FBXL17: variants seen among roughly 807,000 people sequenced by gnomAD.
The protein encoded by FBXL17 is F-box/LRR-repeat protein 17.
A neutral mutation model predicts 66.2 loss-of-function variants in FBXL17; 22 were observed. That is an observed-to-expected ratio of 0.33 (90% CI 0.24 to 0.47). FBXL17 has a LOEUF of 0.47. Ranked by LOEUF, FBXL17 falls within the 20% of genes least tolerant of loss-of-function variation. The pLI is 1.00. For synonymous variants in FBXL17, 474 were observed against 400.5 expected (o/e 1.18, Z -2.19); for missense variants, 878 against 948.2 (o/e 0.93, Z 0.97).
In FBXL17 at chr5:108,006,487, A is replaced by T. The variant is rs114227720; in HGVS notation, c.1822+14438T>A. Reference sequence around the variant, plus strand: ...AGGTGAATAGTGATGCCATTTACACAGGGAAGAACAGTAGTGGTTATGACG... The same window carrying T: ...AGGTGAATAGTGATGCCATTTACACTGGGAAGAACAGTAGTGGTTATGACG... On this transcript the variant is annotated intron_variant, in intron 7 of 8. Transcript: ENST00000542267. Among the ~76,000 whole-genome samples, 711 of 152,324 alleles carry T rather than the reference A, an allele frequency of 4.7e-3. 6 individuals are homozygous for T. The highest frequency in any genetic ancestry group is 0.014 in the African/African-American group (589 of 41,570).
chr5:107,942,775 A>G (rs947799480), intron 7 of FBXL17, among the ~76,000 whole-genome samples: 1 of 38,444 alleles, frequency 2.6e-5, no homozygotes, highest in Non-Finnish European at 5.8e-5. Context: ...CCTTCTTGAA[A>G]AGAAAAAAAA....
chr5:108,206,434 G>GT (rs1477230618), intron 5 of FBXL17, among the ~76,000 whole-genome samples: 5 of 152,006 alleles, frequency 3.3e-5, no homozygotes, highest in Non-Finnish European at 7.4e-5. Flanking sequence ...GTATAATTTG[G>GT]TAAGTTTTGA....
rs531225546 is a variant in FBXL17 at position 108,247,184 on chromosome 5, C to T, written c.1507-22956G>A. On this transcript the variant is annotated intron_variant, in intron 4 of 8. Transcript: ENST00000542267. ...GCTAAAACGATTATGTAAAAATTGCCCTGGCTTCGAAGAAGAGAAAGCAAT... is the reference window on the plus strand; with the variant it reads ...GCTAAAACGATTATGTAAAAATTGCTCTGGCTTCGAAGAAGAGAAAGCAAT... Among the ~76,000 whole-genome samples the T allele has an allele frequency of 3.3e-5, 5 of 152,190 alleles. No individual in the cohort carries two copies. The South Asian group carries it at 8.3e-4, about 25-fold the overall frequency.
In FBXL17 at chr5:108,153,952, T is replaced by C. The variant is rs188166834; in HGVS notation, c.1745+32165A>G. Among the ~76,000 whole-genome samples, 434 of 152,268 alleles carry C rather than the reference T, an allele frequency of 2.9e-3. 2 individuals carry two copies. Among genetic ancestry groups the C allele is most frequent in the Non-Finnish European group, 4.5e-3 (309 of 68,028 alleles). On this transcript the variant is annotated intron_variant, in intron 6 of 8. Coordinates refer to ENST00000542267, the MANE Select transcript of FBXL17 (RefSeq NM_001163315.3). ...GTACAATTTTCCTTCTTGCAGGAAG[T>C]GTTTCTTTCTTGTGGCTATATAGGA...
intron 4 of FBXL17, among the ~76,000 whole-genome samples, chr5:108,233,449 A>T (rs1485562593): frequency 1.3e-5 from 2 of 152,212 alleles, no homozygotes; most frequent in Non-Finnish European, 2.9e-5. Context: ...ATAGGTAAGA[A>T]TTAGTACGCA....
intron 5 of FBXL17, among the ~76,000 whole-genome samples, chr5:108,217,926 C>A (rs926219497): frequency 1.3e-5 from 2 of 151,958 alleles, no homozygotes; most frequent in Admixed American, 6.6e-5. Flanking sequence ...CCAGGTTCAT[C>A]CATGTTGTTG....
chr5:108,381,195 G>A lies in FBXL17; in HGVS notation c.497C>T (p.Pro166Leu), dbSNP rs1287108476. 6 of 1,439,662 alleles carry A rather than the reference G, an allele frequency of 4.2e-6. No homozygotes were observed. Among genetic ancestry groups the A allele is most frequent in the East Asian group, 6.1e-5 (2 of 32,882 alleles). The allele number at this position is 1,439,662 out of a possible 1,614,324, so 89.2% of individuals were successfully genotyped here. A position where few individuals can be genotyped will look rare whatever the true frequency, so the allele number is the denominator to read the frequency against. The change falls in exon 1 of 9, where the codon CCG becomes CTG. Residue 166 changes from proline to leucine, a missense_variant. Physicochemically the swap from Pro to Leu is moderately conservative, Grantham distance 98. Transcript: ENST00000542267. Reference protein sequence around the residue: ...GRSLFLASLGPVRFLGPPAAV... With the variant: ...GRSLFLASLGLVRFLGPPAAV... ...GGCGGGCGGCCCCAGGAAGCGCACCGGCCCCAAGCTGGCCAGGAAGAGACT... is the reference window on the plus strand; with the variant it reads ...GGCGGGCGGCCCCAGGAAGCGCACCAGCCCCAAGCTGGCCAGGAAGAGACT...
At chr5:108,060,779 G>C (rs1449829681) in intron 6 of FBXL17, among the ~76,000 whole-genome samples, 1 of 151,752 alleles carries the variant, frequency 6.6e-6, no homozygotes, top group African/African-American at 2.4e-5. Flanking sequence ...ACTTCCCAGA[G>C]TCCTTTCACT....
chr5:108,033,861 T>C (rs1746735991), intron 6 of FBXL17, among the ~76,000 whole-genome samples: 1 of 152,210 alleles, frequency 6.6e-6, no homozygotes, highest in African/African-American at 2.4e-5. Context: ...ACAATTCTAC[T>C]CTTATTATTT....
intron 7 of FBXL17, among the ~76,000 whole-genome samples, chr5:107,951,176 A>C (rs1218981907): frequency 6.6e-6 from 1 of 152,172 alleles, no homozygotes; most frequent in Non-Finnish European, 1.5e-5. Context: ...TCAGGGTTCG[A>C]TGTGCCTGAG....
At chr5:108,129,993 AT>A (rs1191058545) in intron 6 of FBXL17, among the ~76,000 whole-genome samples, 1 of 151,860 alleles carries the variant, frequency 6.6e-6, no homozygotes, top group South Asian at 2.1e-4. Flanking sequence ...AAACAATTAC[AT>A]TTTTTATGAC....
intron 6 of FBXL17, among the ~76,000 whole-genome samples, chr5:108,153,559 T>A (rs528719948): frequency 6.6e-6 from 1 of 152,252 alleles, no homozygotes; most frequent in South Asian, 2.1e-4. Context: ...TAAGATAAAG[T>A]TTTATTGTAG....
At chr5:108,242,169 T>C (rs970766948) in intron 4 of FBXL17, among the ~76,000 whole-genome samples, 10 of 152,206 alleles carry the variant, frequency 6.6e-5, no homozygotes, top group Admixed American at 6.5e-4. Context: ...GTATCTTAAG[T>C]AGAAAGACTA....
At chr5:108,052,613 C>T (rs1469441062) in intron 6 of FBXL17, among the ~76,000 whole-genome samples, 2 of 152,118 alleles carry the variant, frequency 1.3e-5, no homozygotes, top group East Asian at 1.9e-4. Flanking sequence ...CATGAAGTGG[C>T]CATACTGCCC....
In FBXL17 at chr5:107,936,093, A is replaced by G. The variant is rs927792727; in HGVS notation, c.1823-54914T>C. On this transcript the variant is annotated intron_variant, in intron 7 of 8. Coordinates refer to ENST00000542267, the MANE Select transcript of FBXL17 (RefSeq NM_001163315.3). Reference sequence around the variant, plus strand: ...TTGCAGTATGCAATCTGCTTTGAAGAAATCTTACTTCCTTGTGTTATTACT... The same window carrying G: ...TTGCAGTATGCAATCTGCTTTGAAGGAATCTTACTTCCTTGTGTTATTACT... Among the ~76,000 whole-genome samples, 4 of 152,198 alleles carry G rather than the reference A, an allele frequency of 2.6e-5. No individual in the cohort carries two copies. In the East Asian group the frequency reaches 7.7e-4, roughly 29 times the overall value.
intron 6 of FBXL17, among the ~76,000 whole-genome samples, chr5:108,089,584 G>C (rs1481758289): frequency 6.6e-6 from 1 of 152,042 alleles, no homozygotes; most frequent in Non-Finnish European, 1.5e-5. Context: ...GTCAATTATA[G>C]GCTTTCCTAG....
At chr5:108,135,068 G>A (rs1751082621) in intron 6 of FBXL17, among the ~76,000 whole-genome samples, 2 of 152,118 alleles carry the variant, frequency 1.3e-5, no homozygotes, top group South Asian at 4.1e-4. Context: ...AGCAATATAT[G>A]TAGTGGTAGC....
intron 6 of FBXL17, among the ~76,000 whole-genome samples, chr5:108,094,694 A>G (rs1026181597): frequency 6.6e-6 from 1 of 152,148 alleles, no homozygotes; most frequent in African/African-American, 2.4e-5. Context: ...ATTCCTTTCA[A>G]AATCTGCAAA....
intron 5 of FBXL17, among the ~76,000 whole-genome samples, chr5:108,215,400 C>T (rs763040572): frequency 1.8e-4 from 27 of 152,158 alleles, no homozygotes; most frequent in Non-Finnish European, 3.2e-4. Flanking sequence ...TTATTACAAC[C>T]ATCCTAGTAG....
Sources: gnomAD v4.1 joint callset for allele counts (sites outside exome capture counted in the v4.1 genomes callset) on GRCh38, gnomAD v4.1.1 for gene constraint, MANE v1.5 for transcripts, NCBI Gene and HGNC (gene_info 2026-07-23, HGNC 2026-07-21) for gene names.